The following CHODL variants were observed in gnomAD, a reference collection of about 807,000 sequenced individuals.
CHODL encodes the protein transmembrane protein MT75.
CHODL carries 29 observed loss-of-function variants against 34.5 expected under a neutral mutation model. The observed-to-expected ratio is 0.84, with a 90% CI of 0.63 to 1.15. The LOEUF is 1.15. CHODL is among the 50% of genes most tolerant of loss of function. CHODL has a pLI of 0.00. For synonymous variants in CHODL, 125 were observed against 116.1 expected, an observed-to-expected ratio of 1.08 and a Z score of -0.49; for missense variants, 332 against 332.5, an observed-to-expected ratio of 1.00 and a Z score of 0.01.
chr21:18,158,608 C>T (rs34805703), intron 2 of CHODL, among the ~76,000 whole-genome samples: 2 of 151,912 alleles, frequency 1.3e-5, no homozygotes, highest in Non-Finnish European at 2.9e-5. Flanking sequence ...GAGGCCGAGG[C>T]GGGTGGATCA....
intron 1 of CHODL, among the ~76,000 whole-genome samples, chr21:18,001,773 C>CTTTTTTTTT (rs59908803): frequency 8.1e-6 from 1 of 124,188 alleles, no homozygotes; most frequent in African/African-American, 2.8e-5. Flanking sequence ...GCCTCATCCT[C>CTTTTTTTTT]TTTTTTTTTT....
At chr21:18,170,863 A>G (rs1033572385) in intron 2 of CHODL, among the ~76,000 whole-genome samples, 4 of 152,022 alleles carry the variant, frequency 2.6e-5, no homozygotes, top group Non-Finnish European at 4.4e-5. Context: ...TTACTAGTAC[A>G]CTTTATTTTC....
intron 2 of CHODL, among the ~76,000 whole-genome samples, chr21:18,136,744 A>G (rs866755939): frequency 7.1e-6 from 1 of 141,484 alleles, no homozygotes; most frequent in Admixed American, 7.0e-5. Context: ...ATATATATAT[A>G]TATATATATG....
chr21:17,950,704 G>T (rs192345026), intron 1 of CHODL, among the ~76,000 whole-genome samples: 2 of 152,284 alleles, frequency 1.3e-5, no homozygotes, highest in Admixed American at 1.3e-4. Flanking sequence ...TCTATCATTG[G>T]TTGGAGAGAA....
At chr21:17,988,100 C>T (rs141573076) in intron 1 of CHODL, among the ~76,000 whole-genome samples, 3,239 of 152,224 alleles carry the variant, frequency 0.021, 77 homozygotes, top group Middle Eastern at 0.054. Flanking sequence ...ATTATTGGCA[C>T]AACATAGAGG....
chr21:17,942,932 A>G (rs927622787), intron 1 of CHODL, among the ~76,000 whole-genome samples: 35 of 152,166 alleles, frequency 2.3e-4, no homozygotes, highest in African/African-American at 8.2e-4. Context: ...GTTATTTAAA[A>G]GTGCATAGCA....
At chr21:18,149,186 T>C (rs918983873) in intron 2 of CHODL, among the ~76,000 whole-genome samples, 1 of 152,208 alleles carries the variant, frequency 6.6e-6, no homozygotes, top group African/African-American at 2.4e-5. Flanking sequence ...GCTTTTCAGA[T>C]GAATCACTCT....
intron 2 of CHODL, among the ~76,000 whole-genome samples, chr21:18,028,424 C>T (rs371113880): frequency 6.6e-6 from 1 of 151,458 alleles, no homozygotes; most frequent in Admixed American, 6.6e-5. Context: ...TGGTTGGGCA[C>T]GGTGGCTCAC....
intron 2 of CHODL, among the ~76,000 whole-genome samples, chr21:18,186,547 G>A (rs974869074): frequency 6.6e-6 from 1 of 152,166 alleles, no homozygotes; most frequent in Non-Finnish European, 1.5e-5. Context: ...TGCTTGCATA[G>A]GATATGGAGG....
At chr21:17,923,859 A>T (rs187682933) in intron 1 of CHODL, among the ~76,000 whole-genome samples, 3 of 152,342 alleles carry the variant, frequency 2.0e-5, no homozygotes, top group Admixed American at 2.0e-4. Context: ...CTCATGTGGA[A>T]CTAGAAAGAT....
At chr21:18,054,881 C>A (rs1412320331) in intron 2 of CHODL, among the ~76,000 whole-genome samples, 1 of 151,878 alleles carries the variant, frequency 6.6e-6, no homozygotes, top group Non-Finnish European at 1.5e-5. Flanking sequence ...CTTGCTATGT[C>A]CCCGATTTCT....
chr21:18,196,768 T>A (rs1413254465), intron 2 of CHODL, among the ~76,000 whole-genome samples: 2 of 152,118 alleles, frequency 1.3e-5, no homozygotes. Context: ...ATATGCAGAA[T>A]CTAAAAAAGT....
intron 2 of CHODL, among the ~76,000 whole-genome samples, chr21:18,174,809 G>A (rs2073286477): frequency 6.6e-6 from 1 of 152,120 alleles, no homozygotes; most frequent in Non-Finnish European, 1.5e-5. Flanking sequence ...GTGCTTTGTG[G>A]TTTTGCAGAT....
intron 1 of CHODL, among the ~76,000 whole-genome samples, chr21:17,958,713 A>C (rs1389575155): frequency 1.3e-5 from 2 of 152,190 alleles, no homozygotes; most frequent in Non-Finnish European, 2.9e-5. Flanking sequence ...GTTTTGTCTA[A>C]AATTTCTGGA....
At chr21:18,072,966 T>G (rs543728191) in intron 2 of CHODL, among the ~76,000 whole-genome samples, 7 of 152,314 alleles carry the variant, frequency 4.6e-5, no homozygotes, top group African/African-American at 1.7e-4. Flanking sequence ...TTATTAAAGT[T>G]TATATTTTGA....
At chr21:18,097,947 G>T (rs1324718228) in intron 2 of CHODL, among the ~76,000 whole-genome samples, 1 of 151,992 alleles carries the variant, frequency 6.6e-6, no homozygotes, top group Non-Finnish European at 1.5e-5. Context: ...TGACAAACAT[G>T]CCAAGAAAAT....
At chr21:18,072,569 C>T (rs2064818578) in intron 2 of CHODL, among the ~76,000 whole-genome samples, 1 of 151,882 alleles carries the variant, frequency 6.6e-6, no homozygotes, top group African/African-American at 2.4e-5. Flanking sequence ...GATGTTATTG[C>T]AATGAGAGTA....
intron 1 of CHODL, among the ~76,000 whole-genome samples, chr21:18,027,610 T>G (rs528686544): frequency 2.2e-4 from 33 of 152,272 alleles, no homozygotes; most frequent in African/African-American, 7.7e-4. Flanking sequence ...TATTAAGCAC[T>G]TCTCTGTTCT....
intron 2 of CHODL, among the ~76,000 whole-genome samples, chr21:18,038,581 T>C (rs1255413266): frequency 6.6e-6 from 1 of 151,728 alleles, no homozygotes; most frequent in Non-Finnish European, 1.5e-5. Flanking sequence ...TTCTTATGCT[T>C]TATTATTGAA....
Sources: allele counts gnomAD v4.1 joint callset (sites outside exome capture counted in the v4.1 genomes callset), GRCh38; gene constraint gnomAD v4.1.1; transcripts MANE v1.5; gene names NCBI Gene and HGNC (gene_info 2026-07-23, HGNC 2026-07-21).